Variants in GYG1 observed in about 807,000 individuals in gnomAD.
GYG1 encodes glycogenin-1.
A neutral mutation model predicts 41.9 loss-of-function variants in GYG1; 44 were observed. The observed-to-expected ratio is 1.05, with a 90% CI of 0.83 to 1.35. The LOEUF is 1.35. Ranked by LOEUF, GYG1 falls within the 40% of genes most tolerant of loss-of-function variation. GYG1 has a pLI of 0.00. For missense variants in GYG1, 429 were observed against 418.9 expected (o/e 1.02, Z -0.21); for synonymous variants, 141 against 158.1 (o/e 0.89, Z 0.81).
At chr3:149,010,121 C>T (rs1353317519) in intron 5 of GYG1, among the ~76,000 whole-genome samples, 1 of 152,170 alleles carries the variant, frequency 6.6e-6, no homozygotes, top group Non-Finnish European at 1.5e-5. Flanking sequence ...AAAGGCAGGG[C>T]ATATGTCCTC....
In GYG1 at chr3:149,028,868, G is replaced by A. The variant is rs562914999; in HGVS notation, c.*1935G>A. On this transcript the variant is annotated 3_prime_UTR_variant, in exon 8 of 8. Coordinates refer to ENST00000345003, the MANE Select transcript of GYG1 (RefSeq NM_004130.4). ...CCTGAGTAGCTGGGACTACAGGCAC[G>A]CACCACCACGCCCAGCTAAATTTTG... 6.6e-6 allele frequency among the ~76,000 whole-genome samples: 1 copy of A among 151,908 alleles called. No homozygotes were observed. Among genetic ancestry groups the A allele is most frequent in the Admixed American group, 6.6e-5 (1 of 15,260 alleles).
In GYG1 at chr3:148,991,543, C is replaced by T. The variant is rs1160002632; in HGVS notation, c.-98C>T. The T allele has an allele frequency of 4.1e-6, 6 of 1,480,142 alleles. No homozygotes were observed. Among genetic ancestry groups the T allele is most frequent in the Non-Finnish European group, 4.5e-6 (5 of 1,100,050 alleles). 91.7% of individuals were successfully genotyped at this position (1,480,142 alleles called of 1,614,324 possible). On this transcript the variant is annotated 5_prime_UTR_variant, in exon 1 of 8. Coordinates refer to ENST00000345003, the MANE Select transcript of GYG1 (RefSeq NM_004130.4). ...GCGCACGGGGCAGACGCTCGGTTCCCCGCCGTGCCTCCTCGCTGGCCGCGC... is the reference window on the plus strand; with the variant it reads ...GCGCACGGGGCAGACGCTCGGTTCCTCGCCGTGCCTCCTCGCTGGCCGCGC...
intron 4 of GYG1, among the ~76,000 whole-genome samples, chr3:149,006,144 G>T (rs938834645): frequency 6.8e-6 from 1 of 147,262 alleles, no homozygotes; most frequent in Non-Finnish European, 1.5e-5. Context: ...GTGCGGTGGC[G>T]TGATCTCAGC....
At chr3:149,005,020 G>A (rs1193074193) in intron 4 of GYG1, among the ~76,000 whole-genome samples, 1 of 152,106 alleles carries the variant, frequency 6.6e-6, no homozygotes, top group Non-Finnish European at 1.5e-5. Context: ...CTACGATTTA[G>A]GCCTCTGTGG....
intron 3 of GYG1, 32 bp from the exon 4 acceptor site, chr3:148,996,709 AT>A (rs1215329357): frequency 6.2e-7 from 1 of 1,600,522 alleles, no homozygotes; most frequent in Admixed American, 1.7e-5. Flanking sequence ...CAGCAAAAAC[AT>A]TTCTGTAATG....
intron 4 of GYG1, among the ~76,000 whole-genome samples, chr3:149,004,764 C>T (rs1713298447): frequency 6.6e-6 from 1 of 152,222 alleles, no homozygotes; most frequent in South Asian, 2.1e-4. Flanking sequence ...TTAACAGGCA[C>T]TGTTGATTCA....
chr3:149,009,229 A>T (rs1559839078), intron 4 of GYG1, 47 bp from the exon 5 acceptor site: 1 of 1,438,972 alleles, frequency 6.9e-7, no homozygotes. Context: ...AAAATTATTA[A>T]ACTGTCTAGA....
intron 5 of GYG1, among the ~76,000 whole-genome samples, chr3:149,023,175 T>C (rs112062903): frequency 0.02 from 3,112 of 152,230 alleles, 125 homozygotes; most frequent in African/African-American, 0.071. Flanking sequence ...AAGTTGTAAC[T>C]TCTCAGAGGG....
intron 5 of GYG1, among the ~76,000 whole-genome samples, chr3:149,014,863 G>C (rs1204228683): frequency 9.6e-6 from 1 of 104,182 alleles, no homozygotes; most frequent in Non-Finnish European, 1.9e-5. Flanking sequence ...GCAAGACTCT[G>C]TCTCAAAAAA....
intron 5 of GYG1, 126 bp downstream of exon 5, chr3:149,009,528 C>A: frequency 1.0e-6 from 1 of 981,922 alleles, no homozygotes; most frequent in Non-Finnish European, 1.6e-6. Context: ...GAAAGTTTCT[C>A]TTGTAAGAAC....
At chr3:148,996,514 A>G (rs1297756877) in intron 3 of GYG1, 38 bp downstream of exon 3, 7 of 1,548,576 alleles carry the variant, frequency 4.5e-6, no homozygotes, top group Middle Eastern at 1.7e-4. Context: ...AAAGACATAT[A>G]TATATATGGT....
In GYG1 at chr3:148,996,238, C is replaced by G. The variant is rs3772580; in HGVS notation, c.144-64C>G. 0.34 allele frequency: 388,292 copies of G among 1,137,320 alleles called. 69,065 individuals carry two copies. The highest frequency in any genetic ancestry group is 0.44 in the Middle Eastern group (1,560 of 3,532). 70.5% of individuals were successfully genotyped at this position (1,137,320 alleles called of 1,614,324 possible). A position where few individuals can be genotyped will look rare whatever the true frequency, so the allele number is the denominator to read the frequency against. On this transcript the variant is annotated intron_variant, in intron 2 of 7. Coordinates refer to ENST00000345003, the MANE Select transcript of GYG1 (RefSeq NM_004130.4). ...AGAAGGTAATAAAGCATCAGTCTTA[C>G]AGCAGATGGGTCACTTGTTCTGAAA...
intron 5 of GYG1, among the ~76,000 whole-genome samples, chr3:149,018,796 G>A (rs1714209223): frequency 1.3e-5 from 2 of 152,044 alleles, no homozygotes. Context: ...GGCCCGTAAT[G>A]TCAGGCCCAC....
chr3:148,998,293 G>A (rs1384380532), intron 4 of GYG1, among the ~76,000 whole-genome samples: 1 of 152,176 alleles, frequency 6.6e-6, no homozygotes, highest in Admixed American at 6.5e-5. Flanking sequence ...TATGCTGTAA[G>A]CTAATAGTTC....
chr3:149,000,571 A>C (rs779911421), intron 4 of GYG1, among the ~76,000 whole-genome samples: 2 of 152,184 alleles, frequency 1.3e-5, no homozygotes, highest in Non-Finnish European at 2.9e-5. Flanking sequence ...GTTGAGGTTT[A>C]TTTTCTTTTC....
chr3:149,007,179 G>C (rs868767295), intron 4 of GYG1, among the ~76,000 whole-genome samples: 3 of 152,264 alleles, frequency 2.0e-5, no homozygotes, highest in South Asian at 4.1e-4. Context: ...GACCTCACTT[G>C]GGCCTCTTTT....
At chr3:149,006,000 T>G (rs1177146892) in intron 4 of GYG1, among the ~76,000 whole-genome samples, 1 of 152,220 alleles carries the variant, frequency 6.6e-6, no homozygotes, top group Non-Finnish European at 1.5e-5. Flanking sequence ...TATGCAACTT[T>G]ATCACATGGG....
In GYG1 at chr3:149,027,008, G is replaced by A. The variant is rs748599599; in HGVS notation, c.*75G>A. ...GATACTTAGTATCTAGAGCTGGGTT[G>A]AGAAAAGTCTGTTACAGTTGCTAGA... On this transcript the variant is annotated 3_prime_UTR_variant, in exon 8 of 8. Transcript: ENST00000345003. 4.0e-6 allele frequency: 6 copies of A among 1,485,494 alleles called. No homozygotes were observed. Among genetic ancestry groups the A allele is most frequent in the Non-Finnish European group, 5.6e-6 (6 of 1,062,814 alleles). The allele number at this position is 1,485,494 out of a possible 1,614,324, so 92.0% of individuals were successfully genotyped here. A position where few individuals can be genotyped will look rare whatever the true frequency, so the allele number is the denominator to read the frequency against.
rs116656663 is a variant in GYG1, at chr3:149,017,847, A to T, written c.609-6206A>T. Among the ~76,000 whole-genome samples, 666 of 150,456 alleles carry T rather than the reference A, an allele frequency of 4.4e-3. 5 individuals carry two copies. The highest frequency in any genetic ancestry group is 0.026 in the South Asian group (123 of 4,744). On this transcript the variant is annotated intron_variant, in intron 5 of 7. Coordinates refer to ENST00000345003, the MANE Select transcript of GYG1 (RefSeq NM_004130.4). ...ACGCTGGTCTCGCACTCCTGAACTC[A>T]GGCAATTCTCCCGCCTCGGCCTCCC...
Sources: allele counts gnomAD v4.1 joint callset (sites outside exome capture counted in the v4.1 genomes callset), GRCh38; gene constraint gnomAD v4.1.1; transcripts MANE v1.5; gene names NCBI Gene and HGNC (gene_info 2026-07-23, HGNC 2026-07-21).